Variants in WASHC2A observed in about 807,000 individuals in gnomAD.
The protein encoded by WASHC2A is WASH complex subunit 2A.
In WASHC2A, 82 loss-of-function variants were observed where a neutral mutation model predicts 140.3. That is an observed-to-expected ratio of 0.58 (90% confidence interval 0.49 to 0.70). The LOEUF is 0.70. Ranked by LOEUF, WASHC2A falls within the 30% of genes least tolerant of loss-of-function variation. The probability of loss-of-function intolerance (pLI) is 0.00; values close to 1 mark genes in which losing one functional copy is unlikely to be tolerated. For missense variants in WASHC2A, 985 were observed against 1,521.8 expected, an observed-to-expected ratio of 0.65 and a Z score of 5.87; for synonymous variants, 340 against 560.8, an observed-to-expected ratio of 0.61 and a Z score of 5.56.
intron 2 of WASHC2A, among the ~76,000 whole-genome samples, chr10:50,068,692 C>T (rs1837519438): frequency 6.7e-6 from 1 of 149,608 alleles, no homozygotes; most frequent in African/African-American, 2.5e-5. Flanking sequence ...AACCCTTGGT[C>T]TGTGATCTCT....
At position 50,110,255 on chromosome 10, in the gene WASHC2A, C is replaced by T; in HGVS notation, c.2024C>T (p.Ala675Val). 5 of 1,611,744 alleles carry T rather than the reference C, an allele frequency of 3.1e-6. No individual in the cohort carries two copies. The South Asian group carries it at 4.4e-5, about 14-fold the overall frequency. Reference sequence around the variant, plus strand: ...GAAGACGAAGAAGATGATCTTTTTGCCATTGCCAAGGACAGGTGAGATAGT... The same window carrying T: ...GAAGACGAAGAAGATGATCTTTTTGTCATTGCCAAGGACAGGTGAGATAGT... ...FEEDEEDDLF[A>V]IAKDSQKKTQ... is the part of the protein sequence containing the mutation. The change falls in exon 20 of 31, where the codon GCC becomes GTC. Residue 675 changes from alanine to valine, a missense_variant. Ala to Val is a moderately conservative substitution (Grantham distance 64). Coordinates refer to ENST00000282633, the MANE Select transcript of WASHC2A (RefSeq NM_001005751.3).
Position 50,068,124 on chromosome 10 carries a change from A to G in WASHC2A, c.23A>G (p.Asp8Gly), listed in dbSNP as rs1428198056. 3.1e-6 allele frequency: 5 copies of G among 1,605,506 alleles called. No homozygotes were observed. The highest frequency in any genetic ancestry group is 4.2e-6 in the Non-Finnish European group (5 of 1,176,904). The change falls in exon 2 of 31, where the codon GAC (aspartate) becomes GGC (glycine). Residue 8 changes from aspartate (D) to glycine (G), a missense_variant. Coordinates refer to ENST00000282633, the MANE Select transcript of WASHC2A (RefSeq NM_001005751.3). ...CTGCAGATGAACCGGACGACCCCCG[A>G]CCAGGAGCTGGCGCCAGCGTCGGAG... MMNRTTP[D>G]QELAPASEPV...
chr10:50,093,519 T>G, intron 12 of WASHC2A, 133 bp downstream of exon 12: 2 of 531,576 alleles, frequency 3.8e-6, no homozygotes, highest in Admixed American at 8.1e-5. Flanking sequence ...TTTCATATTT[T>G]GGGACATTTT....
intron 20 of WASHC2A, among the ~76,000 whole-genome samples, chr10:50,112,766 G>A (rs1842388723): frequency 6.6e-6 from 1 of 151,128 alleles, no homozygotes; most frequent in African/African-American, 2.4e-5. Context: ...AATGAACCTA[G>A]AAAATTTTAT....
chr10:50,095,042 A>C, intron 13 of WASHC2A, 106 bp from the exon 14 acceptor site: 1 of 1,590,048 alleles, frequency 6.3e-7, no homozygotes, highest in South Asian at 1.1e-5. Flanking sequence ...GTGGTTTCAA[A>C]AGGTCTGATA....
At chr10:50,081,639 C>CTT (rs576698406) in intron 5 of WASHC2A, among the ~76,000 whole-genome samples, 1 of 139,872 alleles carries the variant, frequency 7.1e-6, no homozygotes, top group Non-Finnish European at 1.6e-5. Flanking sequence ...GAACCAAACC[C>CTT]TTTTTTTTTT....
chr10:50,112,208 T>C, intron 20 of WASHC2A: 1 of 977,884 alleles, frequency 1.0e-6, no homozygotes, highest in South Asian at 4.8e-5. Flanking sequence ...GTCATAAATC[T>C]GGCAGTCTGA....
At chr10:50,091,954 G>C (rs1284565791) in intron 10 of WASHC2A, among the ~76,000 whole-genome samples, 15 of 152,354 alleles carry the variant, frequency 9.8e-5, no homozygotes, top group African/African-American at 3.6e-4. Flanking sequence ...AGCCTGGTAC[G>C]AAAGCAGAAG....
intron 3 of WASHC2A, among the ~76,000 whole-genome samples, chr10:50,072,890 G>A (rs1554876758): frequency 1.3e-5 from 2 of 152,158 alleles, no homozygotes; most frequent in Non-Finnish European, 2.9e-5. Flanking sequence ...TAATTTATCA[G>A]AAACATTCAA....
intron 8 of WASHC2A, among the ~76,000 whole-genome samples, chr10:50,090,517 T>TAA (rs1564762480): frequency 1.0e-5 from 1 of 100,100 alleles, no homozygotes; most frequent in Non-Finnish European, 2.1e-5. Context: ...AAAAAAAAAA[T>TAA]ATATATATAT....
At chr10:50,107,321 G>A (rs1841877546) in intron 19 of WASHC2A, among the ~76,000 whole-genome samples, 1 of 131,986 alleles carries the variant, frequency 7.6e-6, no homozygotes, top group Non-Finnish European at 1.6e-5. Flanking sequence ...CCTTTTTGAG[G>A]GAGTCTTAAC....
In WASHC2A at chr10:50,129,550, C is replaced by A; in HGVS notation, c.3219C>A (p.Ala1073=). The change falls in exon 29 of 31, where the codon GCC becomes GCA. Residue 1073 remains alanine, a synonymous_variant. Transcript: ENST00000282633. ...RGPIAQWADG[A]ISPNGHRPQL... is the part of the protein sequence containing the mutation. The stretch of plus-strand genomic sequence containing the variant: ...CCATTGCACAGTGGGCTGATGGCGC[C>A]ATTTCCCCAAATGGCCATCGGCCAC... 3.1e-6 allele frequency: 5 copies of A among 1,612,030 alleles called. 1 individual carries two copies. In the South Asian group the frequency reaches 5.5e-5, roughly 18 times the overall value.
In WASHC2A at chr10:50,131,036, A is replaced by T; in HGVS notation, c.3844A>T (p.Lys1282Ter). 6.2e-7 allele frequency: 1 copy of T among 1,611,324 alleles called. No homozygotes were observed. The change falls in exon 30 of 31, where the codon AAA becomes TAA. Residue 1282 changes from lysine to a stop codon, truncating the protein, a stop_gained. Transcript: ENST00000282633. LOFTEE classifies it high-confidence loss of function. ...DLTVKPKEKS[K>*]KKVEAKSIFD... is the part of the protein sequence containing the mutation. ...AACTGTAAAACCAAAAGAAAAGTCC[A>T]AAAAGAAAGTGGAAGCCAAGTCTAT... is the stretch of plus-strand genomic sequence containing the variant.
intron 3 of WASHC2A, among the ~76,000 whole-genome samples, chr10:50,070,076 CT>C (rs1261722830): frequency 6.6e-6 from 1 of 151,962 alleles, no homozygotes; most frequent in Non-Finnish European, 1.5e-5. Flanking sequence ...TATGGTTTCA[CT>C]TGTTGATTGG....
Position 50,124,265 on chromosome 10 carries a change from G to A in WASHC2A, c.2479-848G>A, listed in dbSNP as rs570203560. 2.3e-3 allele frequency among the ~76,000 whole-genome samples: 341 copies of A among 151,472 alleles called. 2 individuals carry two copies. The highest frequency in any genetic ancestry group is 8.0e-3 in the African/African-American group (330 of 41,374). On this transcript the variant is annotated intron_variant, in intron 23 of 30. Transcript: ENST00000282633. Reference sequence around the variant, plus strand: ...ACCACAGGCACACGCCACCACACCCGGCTGATCTTTGTATTTTTAGTAGAG... The same window carrying A: ...ACCACAGGCACACGCCACCACACCCAGCTGATCTTTGTATTTTTAGTAGAG...
chr10:50,091,476 A>G lies in WASHC2A; in HGVS notation c.889A>G (p.Ile297Val), dbSNP rs1210484681. Reference protein sequence around the residue: ...TSFADELAARIKGDAVGRVDE... With the variant: ...TSFADELAARVKGDAVGRVDE... ...GTTTGCAGATGAGCTGGCTGCCCGCATCAAGGGGGATGCCGTGGGTCGAGT... is the reference window on the plus strand; with the variant it reads ...GTTTGCAGATGAGCTGGCTGCCCGCGTCAAGGGGGATGCCGTGGGTCGAGT... The change falls in exon 10 of 31, where the codon ATC becomes GTC. Residue 297 changes from isoleucine to valine, a missense_variant. By Grantham distance (29) the Ile-to-Val change is conservative (BLOSUM62 3). Coordinates refer to ENST00000282633, the MANE Select transcript of WASHC2A (RefSeq NM_001005751.3). The G allele has an allele frequency of 3.2e-6, 5 of 1,550,588 alleles. No individual in the cohort carries two copies. The highest frequency in any genetic ancestry group is 4.4e-6 in the Non-Finnish European group (5 of 1,147,244).
In WASHC2A at chr10:50,106,335, A is replaced by G. The variant is rs544996523; in HGVS notation, c.1739A>G (p.Asp580Gly). The G allele has an allele frequency of 5.9e-4, 944 of 1,611,728 alleles. 11 individuals carry two copies. Among genetic ancestry groups the G allele is most frequent in the Non-Finnish European group, 6.6e-5 (78 of 1,179,820 alleles). Residue 580 changes from aspartate to glycine, a missense_variant and splice_region_variant, in exon 19 of 31, where the codon GAT becomes GGT. Transcript: ENST00000282633. ...CCTTTCTGCCATTTGCTTTTCTAGG[A>G]TAATCTTTTTGGGGGTACAGCTGCT... ...VSLFDDEDEEDNLFGGTAAKK... is the reference protein window; with the variant it reads ...VSLFDDEDEEGNLFGGTAAKK...
rs1398659110 is a variant in WASHC2A at position 50,099,242 on chromosome 10, T to C, written c.1549-736T>C. On this transcript the variant is annotated intron_variant, in intron 16 of 30. Transcript: ENST00000282633. ...TCATGTATTCATTCTTCAGTGTAGA[T>C]GATAATCCATTACCATCATTCTTCT... Among the ~76,000 whole-genome samples, 49 of 151,900 alleles carry C rather than the reference T, an allele frequency of 3.2e-4. No individual in the cohort carries two copies. In the East Asian group the frequency reaches 8.9e-3, roughly 27 times the overall value.
chr10:50,097,515 A>G (rs1554885069), intron 15 of WASHC2A, among the ~76,000 whole-genome samples, 160 bp from the exon 16 acceptor site: 1 of 146,752 alleles, frequency 6.8e-6, no homozygotes, highest in East Asian at 1.9e-4. Context: ...AAAAATTCCA[A>G]GGGAAGAGTA....
Sources: gnomAD v4.1 joint callset for allele counts (sites outside exome capture counted in the v4.1 genomes callset) on GRCh38, gnomAD v4.1.1 for gene constraint, MANE v1.5 for transcripts, NCBI Gene and HGNC (gene_info 2026-07-23, HGNC 2026-07-21) for gene names.